The following HPSE2 variants were observed in gnomAD, a reference collection of about 807,000 sequenced individuals.
HPSE2 encodes inactive heparanase-2.
A neutral mutation model predicts 60.5 loss-of-function variants in HPSE2; 38 were observed. The ratio of observed to expected loss-of-function variants is 0.63; its 90% confidence interval spans 0.48 to 0.82. The LOEUF (loss-of-function observed/expected upper bound fraction) is 0.82. Among genes scored for constraint, HPSE2 ranks in the 40% least tolerant of loss-of-function variants. The pLI is 0.00. For synonymous variants in HPSE2, 295 were observed against 293.2 expected (o/e 1.01, Z -0.06); for missense variants, 713 against 740.4 (o/e 0.96, Z 0.43).
intron 3 of HPSE2, among the ~76,000 whole-genome samples, chr10:98,838,570 A>C (rs1951844474): frequency 6.6e-6 from 1 of 150,870 alleles, no homozygotes; most frequent in African/African-American, 2.4e-5. Flanking sequence ...GATTACAGGC[A>C]TGCACCACCA....
chr10:99,133,213 T>C (rs1589709039), intron 3 of HPSE2, among the ~76,000 whole-genome samples: 1 of 152,256 alleles, frequency 6.6e-6, no homozygotes, highest in East Asian at 1.9e-4. Context: ...GCAGGGCATG[T>C]CTGAAAAAAA....
intron 10 of HPSE2, among the ~76,000 whole-genome samples, chr10:98,486,455 C>A (rs912330634): frequency 6.6e-6 from 1 of 151,994 alleles, no homozygotes; most frequent in African/African-American, 2.4e-5. Flanking sequence ...TTTTCACCAG[C>A]AGAGAATCCA....
intron 4 of HPSE2, among the ~76,000 whole-genome samples, chr10:98,725,378 A>G (rs1949045169): frequency 6.6e-6 from 1 of 152,244 alleles, no homozygotes; most frequent in Non-Finnish European, 1.5e-5. Context: ...GACAAAAACA[A>G]GGAATGGGGA....
intron 3 of HPSE2, among the ~76,000 whole-genome samples, chr10:98,998,837 G>A (rs2135365997): frequency 6.6e-6 from 1 of 152,280 alleles, no homozygotes; most frequent in South Asian, 2.1e-4. Context: ...GGCATATGAG[G>A]CTGTAGAGAC....
intron 3 of HPSE2, among the ~76,000 whole-genome samples, chr10:98,914,924 T>C (rs913201390): frequency 2.6e-5 from 4 of 151,616 alleles, no homozygotes; most frequent in African/African-American, 9.7e-5. Context: ...GAAAAATCCA[T>C]TATAAAACTT....
intron 2 of HPSE2, among the ~76,000 whole-genome samples, chr10:99,191,858 G>C (rs562424027): frequency 6.6e-6 from 1 of 152,168 alleles, no homozygotes; most frequent in South Asian, 2.1e-4. Context: ...GCTGTTCTAA[G>C]GAAACTCCAA....
upstream of HPSE2, among the ~76,000 whole-genome samples, chr10:99,236,811 G>A (rs556701016): frequency 6.6e-6 from 1 of 152,272 alleles, no homozygotes; most frequent in East Asian, 1.9e-4. Context: ...GCTGTGCTTG[G>A]ATAGTCAGGG....
intron 2 of HPSE2, among the ~76,000 whole-genome samples, chr10:99,230,857 T>G (rs1305929512): frequency 6.6e-6 from 1 of 152,172 alleles, no homozygotes. Flanking sequence ...ACCATTAATA[T>G]TCTCCCTTCT....
chr10:98,678,036 C>T (rs1351616499), intron 6 of HPSE2, among the ~76,000 whole-genome samples: 1 of 152,110 alleles, frequency 6.6e-6, no homozygotes, highest in African/African-American at 2.4e-5. Context: ...TCTCTTTAAG[C>T]CTACAGCTGC....
rs924885289 is a variant in HPSE2, at chr10:98,790,587, A to G, written c.611-46531T>C. Among the ~76,000 whole-genome samples, 8 of 152,206 alleles carry G rather than the reference A, an allele frequency of 5.3e-5. No individual in the cohort carries two copies. The East Asian group carries it at 1.5e-3, about 29-fold the overall frequency. ...TGATCCATTGTACTGCATGCTGACC[A>G]CAATTGATAACAATGTGTATTTCAA... is the stretch of plus-strand genomic sequence containing the variant. On this transcript the variant is annotated intron_variant, in intron 3 of 11. Coordinates refer to ENST00000370552, the MANE Select transcript of HPSE2 (RefSeq NM_021828.5).
intron 9 of HPSE2, among the ~76,000 whole-genome samples, chr10:98,491,778 T>C (rs912988630): frequency 2.6e-5 from 4 of 152,172 alleles, no homozygotes; most frequent in African/African-American, 7.2e-5. Context: ...TTGCCTCCAA[T>C]GGCTGTACAA....
intron 5 of HPSE2, among the ~76,000 whole-genome samples, 175 bp from the exon 6 acceptor site, chr10:98,694,122 C>G (rs1565085362): frequency 2.0e-5 from 3 of 152,172 alleles, no homozygotes; most frequent in Non-Finnish European, 4.4e-5. Flanking sequence ...TCAAACTATA[C>G]AGAAAGTGAA....
intron 6 of HPSE2, among the ~76,000 whole-genome samples, chr10:98,643,465 C>T (rs1221973392): frequency 2.0e-5 from 3 of 152,026 alleles, no homozygotes; most frequent in African/African-American, 7.2e-5. Context: ...GCTGGGGGTA[C>T]ATGTATTTGA....
At chr10:99,028,578 C>G (rs1957429190) in intron 3 of HPSE2, among the ~76,000 whole-genome samples, 1 of 152,094 alleles carries the variant, frequency 6.6e-6, no homozygotes, top group African/African-American at 2.4e-5. Context: ...TTTATAGATT[C>G]TATGCAATCC....
chr10:99,288,264 C>T, the HPSE2 span, among the ~76,000 whole-genome samples: 130,018 of 152,034 alleles, frequency 0.86, 55,949 homozygotes, highest in African/African-American at 0.92. Context: ...TGATGTTGAA[C>T]TGGTAGGGTC....
intron 9 of HPSE2, among the ~76,000 whole-genome samples, chr10:98,535,563 G>A (rs1438887264): frequency 2.6e-5 from 4 of 152,084 alleles, no homozygotes; most frequent in Admixed American, 2.0e-4. Context: ...GTATACTCTG[G>A]TGGACCACTT....
intron 3 of HPSE2, among the ~76,000 whole-genome samples, chr10:98,863,339 G>A (rs1387581971): frequency 6.6e-6 from 1 of 151,662 alleles, no homozygotes; most frequent in Non-Finnish European, 1.5e-5. Flanking sequence ...GAGTAGACCT[G>A]GCAAAAAAAA....
chr10:98,708,239 G>A (rs1485062700), intron 5 of HPSE2, among the ~76,000 whole-genome samples: 1 of 151,982 alleles, frequency 6.6e-6, no homozygotes, highest in Non-Finnish European at 1.5e-5. Flanking sequence ...GGCGGATCAC[G>A]AGGTCAGGAG....
chr10:98,482,431 T>C (rs577045770), intron 11 of HPSE2, among the ~76,000 whole-genome samples: 57 of 152,292 alleles, frequency 3.7e-4, no homozygotes, highest in African/African-American at 1.2e-3. Flanking sequence ...ACCATTTGAC[T>C]TTACAACTGG....
Sources: gnomAD v4.1 joint callset for allele counts (sites outside exome capture counted in the v4.1 genomes callset) on GRCh38, gnomAD v4.1.1 for gene constraint, MANE v1.5 for transcripts, NCBI Gene and HGNC (gene_info 2026-07-23, HGNC 2026-07-21) for gene names.